Variants in HIVEP1 observed in about 807,000 individuals in gnomAD.
HIVEP1 encodes HIVEP zinc finger 1, also known as zinc finger protein 40.
Under a neutral mutation model 180.0 loss-of-function variants are expected in HIVEP1, and 36 were observed. The ratio of observed to expected loss-of-function variants is 0.20; its 90% CI spans 0.15 to 0.26. HIVEP1 has a LOEUF of 0.26. HIVEP1 is among the 10% of genes least tolerant of loss of function. The pLI, the probability that HIVEP1 is intolerant of heterozygous loss-of-function variation, is 1.00. For synonymous variants in HIVEP1, 1,239 were observed against 1,239.0 expected, an observed-to-expected ratio of 1.00 and a Z score of 0.00; for missense variants, 3,143 against 3,268.7, an observed-to-expected ratio of 0.96 and a Z score of 0.94.
chr6:12,166,764 T>C (rs1348722868), downstream of HIVEP1, among the ~76,000 whole-genome samples: 1 of 152,204 alleles, frequency 6.6e-6, no homozygotes, highest in Non-Finnish European at 1.5e-5. Flanking sequence ...TTTTATTCTG[T>C]TGCACTGTCG....
intron 2 of HIVEP1, among the ~76,000 whole-genome samples, chr6:12,023,496 TTCTC>T (rs1768386505): frequency 6.6e-6 from 1 of 152,158 alleles, no homozygotes; most frequent in Non-Finnish European, 1.5e-5. Context: ...ACAAAAGAAA[TTCTC>T]TATATTGTAG....
At chr6:12,089,926 C>T (rs565159769) in intron 3 of HIVEP1, among the ~76,000 whole-genome samples, 3 of 152,036 alleles carry the variant, frequency 2.0e-5, no homozygotes, top group East Asian at 3.9e-4. Context: ...GATTTATACA[C>T]AGATATGTGT....
intron 7 of HIVEP1, among the ~76,000 whole-genome samples, chr6:12,141,511 C>T (rs1036806835): frequency 4.6e-5 from 7 of 151,814 alleles, no homozygotes; most frequent in Non-Finnish European, 7.4e-5. Flanking sequence ...CAAATTCACA[C>T]ATAACAATAT....
the HIVEP1 span, among the ~76,000 whole-genome samples, chr6:12,179,230 T>G: frequency 1.3e-5 from 2 of 152,084 alleles, no homozygotes; most frequent in East Asian, 3.9e-4. Flanking sequence ...TGGGAACAGA[T>G]TAATATATAG....
chr6:12,023,076 C>G (rs1010511525), intron 2 of HIVEP1, among the ~76,000 whole-genome samples: 1 of 152,140 alleles, frequency 6.6e-6, no homozygotes, highest in Non-Finnish European at 1.5e-5. Flanking sequence ...ACAGATCACG[C>G]GGGATTGAAG....
At chr6:12,064,307 A>G (rs2113762075) in intron 2 of HIVEP1, among the ~76,000 whole-genome samples, 1 of 152,318 alleles carries the variant, frequency 6.6e-6, no homozygotes, top group East Asian at 1.9e-4. Flanking sequence ...CTGTGTTACA[A>G]CAGTCAGGGA....
chr6:12,070,570 A>G lies in HIVEP1; in HGVS notation c.41-18614A>G, dbSNP rs987997313. ...TCCTTTATAATCTTGTGAGACTACC[A>G]TCGTACATTTAGTCTGTTGTTAACT... On this transcript the variant is annotated intron_variant, in intron 2 of 8. Transcript: ENST00000379388. Among the ~76,000 whole-genome samples the G allele has an allele frequency of 2.6e-5, 4 of 152,176 alleles. No individual in the cohort carries two copies. In the East Asian group the frequency reaches 7.7e-4, roughly 29 times the overall value.
chr6:12,069,577 T>TG (rs1200842390), intron 2 of HIVEP1, among the ~76,000 whole-genome samples: 1 of 75,762 alleles, frequency 1.3e-5, no homozygotes, highest in Non-Finnish European at 2.4e-5. Context: ...TGTTCTGGGG[T>TG]GGGGGGAGGG....
At chr6:12,037,727 G>C (rs2113664888) in intron 2 of HIVEP1, 1 of 415,634 alleles carries the variant, frequency 2.4e-6, no homozygotes, top group Non-Finnish European at 4.3e-6. Flanking sequence ...TTTTTGTAGG[G>C]TCTTGCTCTT....
chr6:12,162,876 A>G (rs1163079626), intron 8 of HIVEP1, among the ~76,000 whole-genome samples: 1 of 152,176 alleles, frequency 6.6e-6, no homozygotes, highest in Non-Finnish European at 1.5e-5. Context: ...TTGAATCTCA[A>G]TTTCTCAGTA....
At chr6:12,008,620 G>A (rs982563891), upstream of HIVEP1, 1 of 152,058 alleles carries the variant, frequency 6.6e-6, no homozygotes, top group Non-Finnish European at 1.5e-5. Flanking sequence ...GTGAAGTGCG[G>A]AAGATCTGTC....
the HIVEP1 span, among the ~76,000 whole-genome samples, chr6:12,174,156 T>C: frequency 6.6e-6 from 1 of 152,304 alleles, no homozygotes; most frequent in East Asian, 1.9e-4. Flanking sequence ...ATAATAATTA[T>C]TGATTGAACA....
In HIVEP1 at chr6:12,120,954, G is replaced by A. The variant is rs370383342; in HGVS notation, c.1159G>A (p.Val387Ile). The change falls in exon 4 of 9, where the codon GTA becomes ATA. Residue 387 changes from valine (V) to isoleucine (I), a missense_variant. By Grantham distance (29) the Val-to-Ile change is conservative. Around this residue, in one of 12 missense-constraint regions of HIVEP1, gnomAD observed 306 missense variants for 310.6 expected, o/e 0.99. Transcript: ENST00000379388. ...TGTTGCCTCTGTTGTTAATCAAAGC[G>A]TAGAGCAAATGTGCAATCTTCTTCT... ...THVASVVNQS[V>I]EQMCNLLLKD... 4.0e-5 allele frequency: 64 copies of A among 1,614,076 alleles called. No homozygotes were observed. Among genetic ancestry groups the A allele is most frequent in the East Asian group, 1.8e-4 (8 of 44,884 alleles).
Position 12,120,967 on chromosome 6 carries a change from G to T in HIVEP1, c.1172G>T (p.Cys391Phe). Reference protein sequence around the residue: ...SVVNQSVEQMCNLLLKDQKPK... With the variant: ...SVVNQSVEQMFNLLLKDQKPK... ...GTTAATCAAAGCGTAGAGCAAATGT[G>T]CAATCTTCTTCTGAAAGATCAGAAG... The change falls in exon 4 of 9, where the codon TGC becomes TTC. Residue 391 changes from cysteine to phenylalanine, a missense_variant. Around this residue, in one of 12 missense-constraint regions of HIVEP1, gnomAD observed 306 missense variants for 310.6 expected, o/e 0.99. Coordinates refer to ENST00000379388, the MANE Select transcript of HIVEP1 (RefSeq NM_002114.4). 6.2e-7 allele frequency: 1 copy of T among 1,614,110 alleles called. No individual in the cohort carries two copies. The highest frequency in any genetic ancestry group is 8.5e-7 in the Non-Finnish European group (1 of 1,180,010).
intron 3 of HIVEP1, among the ~76,000 whole-genome samples, chr6:12,108,213 T>G (rs1011071757): frequency 2.0e-5 from 3 of 152,166 alleles, no homozygotes; most frequent in African/African-American, 7.2e-5. Context: ...CTGATTGGTG[T>G]GTTTACAAAC....
At chr6:12,102,855 G>C (rs1490215253) in intron 3 of HIVEP1, among the ~76,000 whole-genome samples, 1 of 152,006 alleles carries the variant, frequency 6.6e-6, no homozygotes, top group East Asian at 1.9e-4. Flanking sequence ...ACCCAGTGTT[G>C]TTATGTTGTC....
rs1193104696 is a variant in HIVEP1 at position 12,134,956 on chromosome 6, A to G, written c.6386-835A>G. ...TTACAATGACCCAAAATAGTTTTTC[A>G]TAGTCAAGCTTGAAACTTTAAAAGG... On this transcript the variant is annotated intron_variant, in intron 6 of 8. Coordinates refer to ENST00000379388, the MANE Select transcript of HIVEP1 (RefSeq NM_002114.4). Among the ~76,000 whole-genome samples, 6 of 152,380 alleles carry G rather than the reference A, an allele frequency of 3.9e-5. No homozygotes were observed. In the South Asian group the frequency reaches 1.0e-3, roughly 26 times the overall value.
chr6:12,042,552 G>C (rs1769843901), intron 2 of HIVEP1, among the ~76,000 whole-genome samples: 1 of 151,338 alleles, frequency 6.6e-6, no homozygotes, highest in African/African-American at 2.4e-5. Context: ...TATTTACAGT[G>C]ATTCTCTCAA....
intron 2 of HIVEP1, among the ~76,000 whole-genome samples, chr6:12,017,387 G>T (rs115538918): frequency 1.3e-5 from 2 of 152,178 alleles, no homozygotes; most frequent in East Asian, 1.9e-4. Flanking sequence ...TCGTGGTCTC[G>T]CTGGTTCAGG....
Sources: gnomAD v4.1 joint callset for allele counts (sites outside exome capture counted in the v4.1 genomes callset) on GRCh38, gnomAD v4.1.1 for gene constraint, gnomAD v4.1.1 regional missense constraint, MANE v1.5 for transcripts, NCBI Gene and HGNC (gene_info 2026-07-23, HGNC 2026-07-21) for gene names.